The following SLC36A4 variants were observed in gnomAD, a reference collection of about 807,000 sequenced individuals.
SLC36A4 encodes neutral amino acid uniporter 4.
A neutral mutation model predicts 50.5 loss-of-function variants in SLC36A4; 49 were observed. That is an observed-to-expected ratio of 0.97 (90% CI 0.77 to 1.23). SLC36A4 has a LOEUF of 1.23. Among genes scored for constraint, SLC36A4 ranks in the 50% most tolerant of loss-of-function variants. The probability of loss-of-function intolerance (pLI) is 0.00; values close to 1 mark genes in which losing one functional copy is unlikely to be tolerated. For synonymous variants in SLC36A4, 207 were observed against 206.5 expected, an observed-to-expected ratio of 1.00 and a Z score of -0.02; for missense variants, 611 against 608.4, an observed-to-expected ratio of 1.00 and a Z score of -0.05.
At chr11:93,180,296 A>G in intron 6 of SLC36A4, 9 of 985,284 alleles carry the variant, frequency 9.1e-6, no homozygotes, top group Non-Finnish European at 1.1e-5. Context: ...ACTTCTTCTT[A>G]AAGCAAACCT....
chr11:93,190,240 A>G (rs1173607052), intron 1 of SLC36A4, among the ~76,000 whole-genome samples: 1 of 152,184 alleles, frequency 6.6e-6, no homozygotes, highest in Non-Finnish European at 1.5e-5. Context: ...CTTAACAAAA[A>G]TTTAATTATT....
At position 93,180,869 on chromosome 11, in the gene SLC36A4, G is replaced by A. The variant is rs144458309; in HGVS notation, c.468C>T (p.Asp156=). The A allele has an allele frequency of 8.2e-5, 132 of 1,611,720 alleles. 2 individuals are homozygous for A. In the African/African-American group the frequency reaches 1.7e-3, roughly 21 times the overall value. ...KQAAWGRSVV[D]FFLVITQLGF... is the part of the protein sequence containing the mutation. ...CCAGCTGTGTTATCACCAGAAAAAA[G>A]TCAACCACACTCCTGAAAAAAGATA... Residue 156 remains aspartate, a synonymous_variant, in exon 6 of 11, where the codon GAC becomes GAT. Coordinates refer to ENST00000326402, the MANE Select transcript of SLC36A4 (RefSeq NM_152313.4).
intron 8 of SLC36A4, among the ~76,000 whole-genome samples, chr11:93,163,200 T>A (rs1860710601): frequency 6.6e-6 from 1 of 152,198 alleles, no homozygotes; most frequent in African/African-American, 2.4e-5. Context: ...ACCCAGTTTC[T>A]CCTACCATTA....
At chr11:93,178,383 T>C (rs1216918700) in intron 6 of SLC36A4, among the ~76,000 whole-genome samples, 1 of 152,042 alleles carries the variant, frequency 6.6e-6, no homozygotes, top group Non-Finnish European at 1.5e-5. Context: ...TGGCTCACAC[T>C]CCATGGGCTG....
At chr11:93,148,964 T>A in intron 10 of SLC36A4, 120 bp from the exon 11 acceptor site, 2 of 1,053,242 alleles carry the variant, frequency 1.9e-6, no homozygotes, top group Admixed American at 2.9e-5. Flanking sequence ...AAAGTTGAAC[T>A]ACTAAACTAT....
chr11:93,171,741 T>C (rs1428422070), intron 6 of SLC36A4: 2 of 152,060 alleles, frequency 1.3e-5, no homozygotes, highest in Admixed American at 6.6e-5. Flanking sequence ...ACTGGTAAGA[T>C]GGTATGTCTT....
Position 93,197,696 on chromosome 11 carries a change from C to G in SLC36A4, c.55+82G>C, listed in dbSNP as rs1453955839. The stretch of plus-strand genomic sequence containing the variant: ...CTCAACTCAGGCCAAGCGCGGGGCC[C>G]CTGGAGGTGTGGGCGCACCCGACTC... On this transcript the variant is annotated intron_variant, in intron 1 of 10. Transcript: ENST00000326402. 3.4e-6 allele frequency: 5 copies of G among 1,456,782 alleles called. No individual in the cohort carries two copies. In the African/African-American group the frequency reaches 7.2e-5, roughly 21 times the overall value. The allele number at this position is 1,456,782 out of a possible 1,614,324, so 90.2% of individuals were successfully genotyped here.
chr11:93,185,582 G>T, intron 2 of SLC36A4, 109 bp downstream of exon 2: 1 of 1,012,696 alleles, frequency 9.9e-7, no homozygotes, highest in Non-Finnish European at 1.4e-6. Flanking sequence ...TGGAGACTAT[G>T]TCTTATATTT....
intron 9 of SLC36A4, among the ~76,000 whole-genome samples, chr11:93,156,457 T>C (rs753352524): frequency 6.6e-6 from 1 of 151,562 alleles, no homozygotes; most frequent in Non-Finnish European, 1.5e-5. Context: ...TCTCACTCTG[T>C]TGCCCAGGCT....
rs1862475230 is a variant in SLC36A4, at chr11:93,197,438, A to G, written c.55+340T>C. 7.1e-6 allele frequency: 3 copies of G among 424,246 alleles called. No homozygotes were observed. In the East Asian group the frequency reaches 1.4e-4, roughly 19 times the overall value. The allele number at this position is 424,246 out of a possible 1,614,324, so 26.3% of individuals were successfully genotyped here. A position where few individuals can be genotyped will look rare whatever the true frequency, so the allele number is the denominator to read the frequency against. ...AGCAGAACAATGATAACTTCCTTAA[A>G]GCATCATTGGGAAAAAAACCGTGAG... On this transcript the variant is annotated intron_variant, in intron 1 of 10. Coordinates refer to ENST00000326402, the MANE Select transcript of SLC36A4 (RefSeq NM_152313.4).
chr11:93,158,659 CTA>C (rs2134640734), intron 9 of SLC36A4, among the ~76,000 whole-genome samples: 1 of 152,152 alleles, frequency 6.6e-6, no homozygotes, highest in South Asian at 2.1e-4. Context: ...CCACTTATTT[CTA>C]TGTTTGGAAT....
At chr11:93,157,779 G>T (rs1189312988) in intron 9 of SLC36A4, among the ~76,000 whole-genome samples, 1 of 152,150 alleles carries the variant, frequency 6.6e-6, no homozygotes, top group Non-Finnish European at 1.5e-5. Flanking sequence ...TTACTATGGG[G>T]TTTTCGAGAT....
chr11:93,148,877 T>A lies in SLC36A4; in HGVS notation c.1208-33A>T, dbSNP rs770433325. 166 of 1,558,436 alleles carry A rather than the reference T, an allele frequency of 1.1e-4. No homozygotes were observed. In the Admixed American group the frequency reaches 3.1e-3, roughly 29 times the overall value. Reference sequence around the variant, plus strand: ...ATGAAAATACATTTATTTTTCTTATTTAAATGTTTGTTACTTACATGAATA... The same window carrying A: ...ATGAAAATACATTTATTTTTCTTATATAAATGTTTGTTACTTACATGAATA... On this transcript the variant is annotated intron_variant, in intron 10 of 10. Transcript: ENST00000326402.
chr11:93,180,092 T>G, intron 6 of SLC36A4: 3 of 950,972 alleles, frequency 3.2e-6, no homozygotes, highest in Non-Finnish European at 3.8e-6. Flanking sequence ...ATGTTTACTG[T>G]ACCATGGACA....
rs772137843 is a variant in SLC36A4, at chr11:93,146,967, T to C, written c.*1570A>G. ...GAATCCCTTTATGTTATGATTCTTG[T>C]ATATATTTATTGTTGTTTTAGTTTT... On this transcript the variant is annotated 3_prime_UTR_variant, in exon 11 of 11. Coordinates refer to ENST00000326402, the MANE Select transcript of SLC36A4 (RefSeq NM_152313.4). 2.6e-5 allele frequency: 4 copies of C among 152,032 alleles called. No homozygotes were observed. Among genetic ancestry groups the C allele is most frequent in the Non-Finnish European group, 5.9e-5 (4 of 67,978 alleles). 9.4% of individuals were successfully genotyped at this position (152,032 alleles called of 1,614,324 possible).
Position 93,180,839 on chromosome 11 carries a change from G to A in SLC36A4, c.498C>T (p.Phe166=). Residue 166 remains phenylalanine (F), a synonymous_variant, in exon 6 of 11, where the codon TTC becomes TTT. Transcript: ENST00000326402. ...DFFLVITQLG[F]CSVYIVFLAE... is the part of the protein sequence containing the mutation. ...CTAAGAAGACAATATAAACACTACA[G>A]AATCCCAGCTGTGTTATCACCAGAA... 6.2e-7 allele frequency: 1 copy of A among 1,612,768 alleles called. No homozygotes were observed. The highest frequency in any genetic ancestry group is 8.5e-7 in the Non-Finnish European group (1 of 1,179,222).
intron 6 of SLC36A4, 84 bp from the exon 7 acceptor site, chr11:93,168,255 A>G (rs1860974869): frequency 1.4e-6 from 1 of 698,538 alleles, no homozygotes. Context: ...AAAGAAAATC[A>G]CAACATATAC....
intron 6 of SLC36A4, among the ~76,000 whole-genome samples, chr11:93,173,963 GT>G (rs1399817146): frequency 1.4e-5 from 2 of 146,006 alleles, no homozygotes; most frequent in Non-Finnish European, 3.0e-5. Flanking sequence ...CTTTAAAGTA[GT>G]TTTTTCCAAT....
In SLC36A4 at chr11:93,153,615, T is replaced by C. The variant is rs180898374; in HGVS notation, c.1207+493A>G. Among the ~76,000 whole-genome samples, 3 of 152,246 alleles carry C rather than the reference T, an allele frequency of 2.0e-5. No individual in the cohort carries two copies. The East Asian group carries it at 5.8e-4, about 29-fold the overall frequency. On this transcript the variant is annotated intron_variant, in intron 10 of 10. Transcript: ENST00000326402. ...TGAATGCTACCTTGAGAAGGCATTTTATGATGAAGAGTCTTAATAAAAGAT... is the reference window on the plus strand; with the variant it reads ...TGAATGCTACCTTGAGAAGGCATTTCATGATGAAGAGTCTTAATAAAAGAT...
Sources: gnomAD v4.1 joint callset for allele counts (sites outside exome capture counted in the v4.1 genomes callset) on GRCh38, gnomAD v4.1.1 for gene constraint, MANE v1.5 for transcripts, NCBI Gene and HGNC (gene_info 2026-07-23, HGNC 2026-07-21) for gene names.